PCSK5: variants seen among roughly 807,000 people sequenced by gnomAD.
PCSK5 encodes proprotein convertase subtilisin/kexin type 5.
In PCSK5, 129 loss-of-function variants were observed where a neutral mutation model predicts 233.2. The ratio of observed to expected loss-of-function variants is 0.55; its 90% CI spans 0.48 to 0.64. The LOEUF is 0.64. Ranked by LOEUF, PCSK5 falls within the 30% of genes least tolerant of loss-of-function variation. PCSK5 has a pLI of 0.00. For missense variants in PCSK5, 2,076 were observed against 2,430.1 expected (o/e 0.85, Z 3.06); for synonymous variants, 825 against 879.2 (o/e 0.94, Z 1.09).
chr9:76,104,400 A>T (rs975719722), intron 8 of PCSK5, among the ~76,000 whole-genome samples: 3 of 152,130 alleles, frequency 2.0e-5, no homozygotes, highest in Non-Finnish European at 2.9e-5. Flanking sequence ...CCTACTCACC[A>T]GTCAAGTTTC....
At chr9:75,909,947 C>T (rs80111332) in intron 1 of PCSK5, among the ~76,000 whole-genome samples, 2,743 of 152,242 alleles carry the variant, frequency 0.018, 38 homozygotes, top group South Asian at 0.035. Context: ...CAGTGAGTGA[C>T]TTGTGGTGAG....
At chr9:75,911,069 A>G (rs1265548347) in intron 1 of PCSK5, among the ~76,000 whole-genome samples, 2 of 152,198 alleles carry the variant, frequency 1.3e-5, no homozygotes, top group East Asian at 3.8e-4. Context: ...TAGCTTAAAA[A>G]CAGGGAGAGT....
chr9:76,295,558 A>G, intron 26 of PCSK5, 147 bp downstream of exon 26: 1 of 657,754 alleles, frequency 1.5e-6, no homozygotes, highest in Non-Finnish European at 2.6e-6. Flanking sequence ...TTTGGTTTAG[A>G]AATAAACATT....
chr9:75,939,379 A>C (rs1824197750), intron 2 of PCSK5, among the ~76,000 whole-genome samples: 1 of 152,188 alleles, frequency 6.6e-6, no homozygotes, highest in Non-Finnish European at 1.5e-5. Context: ...ACTTGACAAC[A>C]TTTCTCTGAG....
At chr9:76,085,477 A>G (rs1470335096) in intron 7 of PCSK5, among the ~76,000 whole-genome samples, 1 of 152,230 alleles carries the variant, frequency 6.6e-6, no homozygotes, top group African/African-American at 2.4e-5. Context: ...GATTGCACAT[A>G]TGAAGTATGC....
At chr9:76,317,034 C>G (rs1829052851) in intron 30 of PCSK5, among the ~76,000 whole-genome samples, 1 of 152,154 alleles carries the variant, frequency 6.6e-6, no homozygotes, top group Admixed American at 6.5e-5. Flanking sequence ...TCTACCTAGA[C>G]TGCTTTCTTC....
chr9:76,191,255 G>A (rs1241440973), intron 20 of PCSK5, among the ~76,000 whole-genome samples: 1 of 152,086 alleles, frequency 6.6e-6, no homozygotes, highest in Non-Finnish European at 1.5e-5. Context: ...TGACATGATC[G>A]CTGCCCTAGG....
At chr9:76,077,018 G>A (rs1293988653) in intron 7 of PCSK5, among the ~76,000 whole-genome samples, 1 of 152,140 alleles carries the variant, frequency 6.6e-6, no homozygotes, top group Non-Finnish European at 1.5e-5. Context: ...GATCTCAAAA[G>A]ATAGGTACTG....
At chr9:76,289,513 A>ACACACACACACAC (rs1441487777) in intron 24 of PCSK5, among the ~76,000 whole-genome samples, 4 of 75,796 alleles carry the variant, frequency 5.3e-5, no homozygotes, top group African/African-American at 1.8e-4. Context: ...ACACACACGC[A>ACACACACACACAC]ACATACACAC....
At chr9:75,903,542 G>A (rs1389960877) in intron 1 of PCSK5, among the ~76,000 whole-genome samples, 3 of 128,864 alleles carry the variant, frequency 2.3e-5, no homozygotes, top group Admixed American at 8.1e-5. Flanking sequence ...CTCTGTATGT[G>A]TATGTGCATG....
At chr9:75,939,265 A>C (rs1466641007) in intron 2 of PCSK5, among the ~76,000 whole-genome samples, 1 of 152,232 alleles carries the variant, frequency 6.6e-6, no homozygotes. Context: ...CTAACATAGA[A>C]GCACTAGGGC....
At chr9:76,247,606 G>T (rs548692425) in intron 24 of PCSK5, among the ~76,000 whole-genome samples, 15 of 152,290 alleles carry the variant, frequency 9.8e-5, no homozygotes, top group African/African-American at 3.6e-4. Flanking sequence ...AATCCAGCTA[G>T]TCCTGTCTCT....
chr9:75,914,967 G>A (rs1302189059), intron 1 of PCSK5, among the ~76,000 whole-genome samples: 2 of 152,092 alleles, frequency 1.3e-5, no homozygotes, highest in African/African-American at 4.8e-5. Context: ...CTTTGATACG[G>A]TAAAAGGTGT....
chr9:76,321,306 C>T (rs749019119), intron 30 of PCSK5, 116 bp from the exon 31 acceptor site: 1 of 635,642 alleles, frequency 1.6e-6, no homozygotes, highest in Non-Finnish European at 2.8e-6. Flanking sequence ...ATGGATGCCT[C>T]TCAGCTGACG....
At chr9:76,220,496 C>T (rs145001837) in intron 20 of PCSK5, among the ~76,000 whole-genome samples, 3,796 of 145,190 alleles carry the variant, frequency 0.026, 162 homozygotes, top group African/African-American at 0.093. Flanking sequence ...CACAGCACTC[C>T]AGCCTGGGCG....
chr9:76,098,862 TTG>T (rs1831642087), intron 8 of PCSK5, among the ~76,000 whole-genome samples: 1 of 152,138 alleles, frequency 6.6e-6, no homozygotes, highest in Non-Finnish European at 1.5e-5. Context: ...GCCTTCGTCA[TTG>T]TTTGCTGTGA....
intron 35 of PCSK5, among the ~76,000 whole-genome samples, chr9:76,344,814 G>A (rs1375814887): frequency 6.6e-6 from 1 of 152,126 alleles, no homozygotes; most frequent in Non-Finnish European, 1.5e-5. Context: ...CAGTGCAGTG[G>A]GGGCACTTGG....
At chr9:76,159,206 T>G in intron 12 of PCSK5, 35 bp downstream of exon 12, 1 of 1,587,564 alleles carries the variant, frequency 6.3e-7, no homozygotes, top group Non-Finnish European at 8.6e-7. Context: ...AGTGTAGTAG[T>G]CACAGCGACA....
chr9:76,233,413 T>A (rs1434909316), intron 21 of PCSK5, 47 bp from the exon 22 acceptor site: 1 of 1,604,450 alleles, frequency 6.2e-7, no homozygotes, highest in Non-Finnish European at 8.5e-7. Context: ...TTAGGGCCAC[T>A]CTGGAAAGTC....
Sources: gnomAD v4.1 joint callset for allele counts (sites outside exome capture counted in the v4.1 genomes callset) on GRCh38, gnomAD v4.1.1 for gene constraint, MANE v1.5 for transcripts, NCBI Gene and HGNC (gene_info 2026-07-23, HGNC 2026-07-21) for gene names.